MPC2: variants seen among roughly 807,000 people sequenced by gnomAD.
The protein encoded by MPC2 is brain protein 44.
MPC2 carries 19 observed loss-of-function variants against 19.2 expected under a neutral mutation model. The ratio of observed to expected loss-of-function variants is 0.99; its 90% CI spans 0.69 to 1.45. The LOEUF (loss-of-function observed/expected upper bound fraction) is 1.45, where lower values mean the gene tolerates loss of function less well. Among genes scored for constraint, MPC2 ranks in the 40% most tolerant of loss-of-function variants. MPC2 has a pLI of 0.00. For missense variants in MPC2, 122 were observed against 153.0 expected (o/e 0.80, Z 1.07); for synonymous variants, 61 against 54.3 (o/e 1.12, Z -0.54).
intron 2 of MPC2, among the ~76,000 whole-genome samples, chr1:167,928,398 A>G (rs569186254): frequency 7.7e-4 from 117 of 152,156 alleles, no homozygotes; most frequent in Non-Finnish European, 1.5e-3. Flanking sequence ...GCTAATTAAC[A>G]TTCAATTAAC....
rs1274335372 is a variant in MPC2 at position 167,920,165 on chromosome 1, AAAGT to A, written c.236-79_236-76del. On this transcript the variant is annotated intron_variant, in intron 4 of 5. Coordinates refer to ENST00000271373, the MANE Select transcript of MPC2 (RefSeq NM_001143674.4). ...CTTCAGTGAATACTTAATATTGAGTAAAGTAATTACAACAATAATGTAGGATGAG... is the reference window on the plus strand; with the variant it reads ...CTTCAGTGAATACTTAATATTGAGTAAATTACAACAATAATGTAGGATGAG... 4.8e-5 allele frequency: 43 copies of A among 901,350 alleles called. No homozygotes were observed. In the Middle Eastern group the frequency reaches 1.1e-3, roughly 23 times the overall value. The allele number at this position is 901,350 out of a possible 1,614,324, so 55.8% of individuals were successfully genotyped here.
chr1:167,936,850 C>T, intron 1 of MPC2, 89 bp downstream of exon 1: 3 of 1,370,554 alleles, frequency 2.2e-6, no homozygotes, highest in Non-Finnish European at 3.0e-6. Flanking sequence ...AACGGGTGTC[C>T]CCTCCCCCTC....
At chr1:167,925,449 A>ATATCTATC (rs1670716126) in intron 2 of MPC2, among the ~76,000 whole-genome samples, 2 of 104,638 alleles carry the variant, frequency 1.9e-5, no homozygotes, top group African/African-American at 7.9e-5. Flanking sequence ...ACACATATAT[A>ATATCTATC]TATATATATA....
At chr1:167,919,268 A>G (rs917265748) in intron 5 of MPC2, among the ~76,000 whole-genome samples, 1 of 152,200 alleles carries the variant, frequency 6.6e-6, no homozygotes, top group Non-Finnish European at 1.5e-5. Flanking sequence ...CCACAGAGCC[A>G]TAGTCTTTCC....
chr1:167,930,197 T>C (rs1278868468), intron 2 of MPC2, among the ~76,000 whole-genome samples: 1 of 152,152 alleles, frequency 6.6e-6, no homozygotes, highest in African/African-American at 2.4e-5. Context: ...ACATCATGGG[T>C]AGATAATGTT....
chr1:167,936,519 G>T (rs73024126), intron 1 of MPC2: 4,261 of 225,602 alleles, frequency 0.019, 125 homozygotes, highest in African/African-American at 0.07. Context: ...GGTGAGGGCA[G>T]CCGCAGCACA....
intron 2 of MPC2, among the ~76,000 whole-genome samples, chr1:167,934,653 A>G (rs192117865): frequency 6.6e-5 from 10 of 152,340 alleles, no homozygotes; most frequent in African/African-American, 1.9e-4. Context: ...GCTGGTTCAT[A>G]ATCAGATAAT....
Position 167,924,631 on chromosome 1 carries a change from T to C in MPC2, c.110-94A>G, listed in dbSNP as rs562681085. ...TCACCAAATTTTAAAAACCAAAGGA[T>C]TTATCAACCTATTTTTAACCACTTT... On this transcript the variant is annotated intron_variant, in intron 2 of 5. Transcript: ENST00000271373. 2.0e-5 allele frequency: 18 copies of C among 886,270 alleles called. No individual in the cohort carries two copies. In the African/African-American group the frequency reaches 2.8e-4, roughly 14 times the overall value. The allele number at this position is 886,270 out of a possible 1,614,324, so 54.9% of individuals were successfully genotyped here.
At chr1:167,924,461 G>A in intron 3 of MPC2, 36 bp downstream of exon 3, 1 of 1,561,680 alleles carries the variant, frequency 6.4e-7, no homozygotes, top group Non-Finnish European at 8.7e-7. Context: ...TAAGGAATTT[G>A]TCTTTCAGTA....
At chr1:167,918,449 T>A in intron 5 of MPC2, 90 bp from the exon 6 acceptor site, 2 of 817,928 alleles carry the variant, frequency 2.4e-6, no homozygotes, top group Non-Finnish European at 3.8e-6. Context: ...CCATTTCTTC[T>A]TTCTTGGTGG....
intron 2 of MPC2, among the ~76,000 whole-genome samples, chr1:167,925,546 G>GTTTTTTTTTTTTT (rs1557854280): frequency 7.9e-5 from 8 of 101,830 alleles, no homozygotes; most frequent in African/African-American, 2.9e-4. Flanking sequence ...TTTTTTTTTG[G>GTTTTTTTTTTTTT]TTTTTTTTGT....
chr1:167,926,951 C>G (rs1304892462), intron 2 of MPC2, among the ~76,000 whole-genome samples: 1 of 152,172 alleles, frequency 6.6e-6, no homozygotes, highest in South Asian at 2.1e-4. Context: ...CTCTTAACTA[C>G]CAAAGCAGCC....
At chr1:167,921,655 T>C (rs752597774) in intron 3 of MPC2, among the ~76,000 whole-genome samples, 22 of 152,232 alleles carry the variant, frequency 1.4e-4, no homozygotes, top group Non-Finnish European at 3.1e-4. Flanking sequence ...CAAGTCACTA[T>C]GTTTGTCCCC....
intron 1 of MPC2, chr1:167,936,664 G>A (rs1350200542): frequency 2.2e-6 from 1 of 444,538 alleles, no homozygotes. Context: ...GCTGAGGGAG[G>A]AGACTGTTGC....
intron 2 of MPC2, among the ~76,000 whole-genome samples, chr1:167,929,466 T>G (rs888426499): frequency 1.3e-5 from 2 of 152,226 alleles, no homozygotes; most frequent in Non-Finnish European, 2.9e-5. Context: ...ATTTTTAAAG[T>G]GAAACTCATG....
intron 5 of MPC2, 38 bp from the exon 6 acceptor site, chr1:167,918,397 TAATA>T (rs1571503325): frequency 7.6e-7 from 1 of 1,323,948 alleles, no homozygotes; most frequent in Non-Finnish European, 1.1e-6. Context: ...TCATCAATAA[TAATA>T]GACAAATTTA....
At position 167,932,538 on chromosome 1, in the gene MPC2, G is replaced by A. The variant is rs889132807; in HGVS notation, c.109+3195C>T. ...TTAAGAAAACATTGGGCCGGGTGTG[G>A]TTGCTCACACCTGTAATCCCAGCAC... On this transcript the variant is annotated intron_variant, in intron 2 of 5. Transcript: ENST00000271373. Among the ~76,000 whole-genome samples the A allele has an allele frequency of 1.3e-4, 20 of 152,120 alleles. No individual in the cohort carries two copies. The East Asian group carries it at 2.7e-3, about 21-fold the overall frequency.
intron 2 of MPC2, 138 bp downstream of exon 2, chr1:167,935,595 A>G: frequency 1.5e-6 from 1 of 676,916 alleles, no homozygotes; most frequent in South Asian, 1.8e-5. Flanking sequence ...AGGCTAGGAG[A>G]GTAGACGGCT....
intron 1 of MPC2, 158 bp downstream of exon 1, chr1:167,936,781 C>T (rs912495929): frequency 5.0e-6 from 4 of 795,116 alleles, no homozygotes; most frequent in African/African-American, 1.8e-5. Flanking sequence ...CCACCGCCAT[C>T]TAACGCTGCG....
Sources: gnomAD v4.1 joint callset for allele counts (sites outside exome capture counted in the v4.1 genomes callset) on GRCh38, gnomAD v4.1.1 for gene constraint, MANE v1.5 for transcripts, NCBI Gene and HGNC (gene_info 2026-07-23, HGNC 2026-07-21) for gene names.